USP18: variants seen among roughly 807,000 people sequenced by gnomAD.
USP18 encodes the protein ubl carboxyl-terminal hydrolase 18.
USP18 carries 11 observed loss-of-function variants against 48.7 expected under a neutral mutation model. The ratio of observed to expected loss-of-function variants is 0.23; its 90% CI spans 0.14 to 0.37. USP18 has a LOEUF of 0.37. Among genes scored for constraint, USP18 ranks in the 10% least tolerant of loss-of-function variants. USP18 has a pLI of 1.00. For missense variants in USP18, 285 were observed against 436.4 expected (o/e 0.65, Z 3.09); for synonymous variants, 114 against 163.2 (o/e 0.70, Z 2.30).
chr22:18,157,434 C>T (rs1929191167), intron 1 of USP18, 124 bp from the exon 2 acceptor site: 1 of 541,454 alleles, frequency 1.8e-6, no homozygotes, highest in Non-Finnish European at 3.3e-6. Context: ...GCCTAGAGCT[C>T]TATGAGTCAG....
intron 1 of USP18, among the ~76,000 whole-genome samples, chr22:18,150,973 T>A (rs1928983606): frequency 6.6e-6 from 1 of 152,196 alleles, no homozygotes; most frequent in Non-Finnish European, 1.5e-5. Flanking sequence ...AAAAACCTGA[T>A]ACATGGTATG....
intron 1 of USP18, among the ~76,000 whole-genome samples, chr22:18,156,502 C>T (rs574720413): frequency 6.6e-6 from 1 of 151,696 alleles, no homozygotes; most frequent in African/African-American, 2.4e-5. Context: ...ACTCCTGAAG[C>T]CAGCAAGACC....
chr22:18,170,681 G>C, intron 7 of USP18, 72 bp from the exon 8 acceptor site: 1 of 1,574,004 alleles, frequency 6.4e-7, no homozygotes, highest in Non-Finnish European at 8.6e-7. Context: ...AGAACGCGTT[G>C]CTAGCCCTGA....
intron 3 of USP18, 52 bp from the exon 4 acceptor site, chr22:18,161,738 C>G (rs1929339584): frequency 4.9e-6 from 7 of 1,441,018 alleles, no homozygotes; most frequent in Non-Finnish European, 6.4e-6. Context: ...CAGTGTGCAC[C>G]TAGCTTTGAG....
intron 1 of USP18, among the ~76,000 whole-genome samples, chr22:18,155,482 C>T (rs980097476): frequency 2.0e-5 from 3 of 152,144 alleles, no homozygotes; most frequent in East Asian, 3.9e-4. Flanking sequence ...CTGGGCTGGC[C>T]GAGGCTGGAG....
chr22:18,162,802 C>T (rs1235532862), intron 4 of USP18, among the ~76,000 whole-genome samples: 2 of 152,270 alleles, frequency 1.3e-5, no homozygotes, highest in African/African-American at 2.4e-5. Flanking sequence ...CCACTGTGCT[C>T]ATGTGGTCTG....
intron 2 of USP18, among the ~76,000 whole-genome samples, chr22:18,159,134 C>A (rs754645536): frequency 6.6e-6 from 1 of 152,108 alleles, no homozygotes; most frequent in African/African-American, 2.4e-5. Flanking sequence ...TGGCTCACTG[C>A]AACATCTGCC....
Position 18,173,864 on chromosome 22 carries a change from T to C in USP18, c.1073+22T>C, listed in dbSNP as rs369480975. ...ACTGGTAAGAAACAGATTTGGGTAA[T>C]TGGAGTCTGATGAGCTCACATAGGG... On this transcript the variant is annotated intron_variant, in intron 10 of 10. Transcript: ENST00000215794. The C allele has an allele frequency of 1.3e-5, 21 of 1,585,752 alleles. No homozygotes were observed. The African/African-American group carries it at 1.6e-4, about 12-fold the overall frequency.
chr22:18,173,071 T>C, intron 8 of USP18, 79 bp from the exon 9 acceptor site: 1 of 1,601,452 alleles, frequency 6.2e-7, no homozygotes, highest in South Asian at 1.1e-5. Flanking sequence ...GAGTCGGGCC[T>C]AGTGTGGGCA....
chr22:18,175,156 G>A (rs1165309933), intron 10 of USP18, among the ~76,000 whole-genome samples: 5 of 152,028 alleles, frequency 3.3e-5, no homozygotes, highest in Admixed American at 6.5e-5. Flanking sequence ...CTCGTGATCC[G>A]CCCACCTCGG....
chr22:18,169,276 T>C (rs1217348362), intron 6 of USP18, among the ~76,000 whole-genome samples: 3 of 151,854 alleles, frequency 2.0e-5, no homozygotes, highest in Non-Finnish European at 4.4e-5. Context: ...ATCTGGTTGT[T>C]TAAAAGTGTG....
In USP18 at chr22:18,157,800, G is replaced by A; in HGVS notation, c.137G>A (p.Arg46Lys). The A allele has an allele frequency of 6.2e-7, 1 of 1,614,112 alleles. No homozygotes were observed. Among genetic ancestry groups the A allele is most frequent in the Non-Finnish European group, 8.5e-7 (1 of 1,180,018 alleles). ...AGAGAGCAGCCCAGAGAGCGTCCCA[G>A]GGCCTGGGACTACCCTCATGGTCAT... Reference protein sequence around the residue: ...MKREQPRERPRAWDYPHGLVG... With the variant: ...MKREQPRERPKAWDYPHGLVG... Residue 46 changes from arginine to lysine, a missense_variant, in exon 2 of 11, where the codon AGG becomes AAG. This residue lies in a region of USP18 where 199 missense variants were observed against 239.6 expected (regional missense o/e 0.83). Transcript: ENST00000215794.
intron 4 of USP18, among the ~76,000 whole-genome samples, chr22:18,166,441 A>G (rs1320406447): frequency 4.6e-5 from 7 of 152,308 alleles, no homozygotes; most frequent in East Asian, 1.9e-4. Flanking sequence ...CTTCTCAGTG[A>G]AAGGTTCTAC....
chr22:18,153,429 C>CAAAAAAAAA lies in USP18; in HGVS notation c.-107+3211_-107+3219dup, dbSNP rs773524805. 2.4e-5 allele frequency among the ~76,000 whole-genome samples: 3 copies of CAAAAAAAAA among 126,394 alleles called. No homozygotes were observed. In the East Asian group the frequency reaches 9.5e-4, roughly 40 times the overall value. 82.9% of individuals were successfully genotyped at this position (126,394 alleles called of 152,430 possible). On this transcript the variant is annotated intron_variant, in intron 1 of 10. Transcript: ENST00000215794. ...GGGTAAAAAGAGTGAAATTCCATCTCAAAAAAAAAAAAGGAGACAGGGTCT... is the reference window on the plus strand; with the variant it reads ...GGGTAAAAAGAGTGAAATTCCATCTCAAAAAAAAAAAAAAAAAAAAAGGAGACAGGGTCT...
chr22:18,156,521 A>C (rs917228134), intron 1 of USP18, among the ~76,000 whole-genome samples: 2 of 151,666 alleles, frequency 1.3e-5, no homozygotes, highest in Non-Finnish European at 2.9e-5. Context: ...CCACAAACCA[A>C]CCAGGAGGGA....
chr22:18,163,884 G>C (rs555797218), intron 4 of USP18, among the ~76,000 whole-genome samples: 21 of 152,286 alleles, frequency 1.4e-4, no homozygotes, highest in African/African-American at 4.8e-4. Flanking sequence ...CCCTTGAGGT[G>C]CAGGTGGAGA....
intron 3 of USP18, among the ~76,000 whole-genome samples, chr22:18,161,224 C>T (rs1929324566): frequency 6.7e-6 from 1 of 148,356 alleles, no homozygotes; most frequent in African/African-American, 2.5e-5. Context: ...TCCACCAACA[C>T]TCACACAATG....
chr22:18,156,097 C>T (rs943809462), intron 1 of USP18, among the ~76,000 whole-genome samples: 4 of 152,306 alleles, frequency 2.6e-5, no homozygotes, highest in East Asian at 3.9e-4. Context: ...CACCAGTCGA[C>T]CCTCTGAATC....
intron 8 of USP18, among the ~76,000 whole-genome samples, chr22:18,171,610 A>C (rs2543690): frequency 6.6e-6 from 1 of 152,074 alleles, no homozygotes; most frequent in South Asian, 2.1e-4. Context: ...CAGCCTGGGC[A>C]ACAGCGCAAG....
Sources: allele counts gnomAD v4.1 joint callset (sites outside exome capture counted in the v4.1 genomes callset), GRCh38; gene constraint gnomAD v4.1.1; regional missense constraint gnomAD v4.1.1; transcripts MANE v1.5; gene names NCBI Gene and HGNC (gene_info 2026-07-23, HGNC 2026-07-21).